ZNF600: variants seen among roughly 807,000 people sequenced by gnomAD.
ZNF600 encodes zinc finger protein 600, also known as zinc finger protein KR-ZNF1.
In ZNF600, 4 loss-of-function variants were observed where a neutral mutation model predicts 7.3. The ratio of observed to expected loss-of-function variants is 0.55; its 90% CI spans 0.27 to 1.25. The LOEUF (loss-of-function observed/expected upper bound fraction) is 1.25. ZNF600 is among the 50% of genes most tolerant of loss of function. ZNF600 has a pLI of 0.12. For synonymous variants in ZNF600, 290 were observed against 308.9 expected, an observed-to-expected ratio of 0.94 and a Z score of 0.64; for missense variants, 911 against 922.1, an observed-to-expected ratio of 0.99 and a Z score of 0.16.
chr19:52,780,241 T>G lies in ZNF600; in HGVS notation c.-19-1334A>C, dbSNP rs148637510. On this transcript the variant is annotated intron_variant, in intron 1 of 3. Transcript: ENST00000648973. Reference sequence around the variant, plus strand: ...CCCTGGGCAAAATAAACTTTCTAAATTAACTGAGATCTCTGTAAGATTTTC... The same window carrying G: ...CCCTGGGCAAAATAAACTTTCTAAAGTAACTGAGATCTCTGTAAGATTTTC... Among the ~76,000 whole-genome samples the G allele has an allele frequency of 1.5e-3, 225 of 152,292 alleles. 1 individual carries two copies. Among genetic ancestry groups the G allele is most frequent in the African/African-American group, 5.2e-3 (217 of 41,550 alleles).
chr19:52,809,951 C>A, the ZNF600 span: 1 of 824,290 alleles, frequency 1.2e-6, no homozygotes, highest in Non-Finnish European at 2.1e-6. Flanking sequence ...CCCCGGGGGG[C>A]GCAGGGGACG....
In ZNF600 at chr19:52,774,373, G is replaced by A. The variant is rs190125895; in HGVS notation, c.190+202C>T. ...GAACCTGGGAGGCAGAGGTTGCGGT[G>A]AGCCAAGATCATACCATTGCTCTCC... On this transcript the variant is annotated intron_variant, in intron 3 of 3. Coordinates refer to ENST00000648973, the Ensembl canonical transcript of ZNF600. Among the ~76,000 whole-genome samples the A allele has an allele frequency of 1.7e-3, 264 of 150,860 alleles. 2 individuals are homozygous for A. Among genetic ancestry groups the A allele is most frequent in the Non-Finnish European group, 2.1e-3 (143 of 67,844 alleles).
chr19:52,768,622 T>C (rs1329133906), intron 3 of ZNF600, among the ~76,000 whole-genome samples: 1 of 151,986 alleles, frequency 6.6e-6, no homozygotes, highest in African/African-American at 2.4e-5. Flanking sequence ...CTCAGCTCAC[T>C]GCAACCTCTG....
chr19:52,827,110 T>A, the ZNF600 span, among the ~76,000 whole-genome samples: 1 of 151,810 alleles, frequency 6.6e-6, no homozygotes, highest in Non-Finnish European at 1.5e-5. Flanking sequence ...CCAGATATGG[T>A]GACACATGCC....
chr19:52,768,541 CA>C (rs904103012), intron 3 of ZNF600, among the ~76,000 whole-genome samples: 6 of 151,252 alleles, frequency 4.0e-5, no homozygotes, highest in African/African-American at 1.5e-4. Context: ...AATGACTTTT[CA>C]AAAAATTTTT....
At chr19:52,801,500 T>G in the ZNF600 span, 6 of 1,613,984 alleles carry the variant, frequency 3.7e-6, no homozygotes, top group East Asian at 1.3e-4. Flanking sequence ...ACTCTTTGAT[T>G]TCTGTCATGG....
intron 3 of ZNF600, among the ~76,000 whole-genome samples, chr19:52,772,289 G>C (rs973655414): frequency 3.3e-5 from 5 of 151,890 alleles, no homozygotes; most frequent in African/African-American, 9.7e-5. Context: ...GCCTGGGCAA[G>C]AAGAGGGAAA....
At position 52,766,753 on chromosome 19, in the gene ZNF600, A is replaced by C. The variant is rs2062583839; in HGVS notation, c.1210T>G (p.Cys404Gly). Reference sequence around the variant, plus strand: ...GAATTCCATGTGAAAGCTGTGTCACAAACCTTACATTTGTATGGTTTCTCT... The same window carrying C: ...GAATTCCATGTGAAAGCTGTGTCACCAACCTTACATTTGTATGGTTTCTCT... Residue 404 changes from cysteine (C) to glycine (G), a missense_variant, in exon 4 of 4, where the codon TGT becomes GGT. Coordinates refer to ENST00000648973, the Ensembl canonical transcript of ZNF600. 6.2e-6 allele frequency: 10 copies of C among 1,614,032 alleles called. No individual in the cohort carries two copies. The highest frequency in any genetic ancestry group is 8.5e-6 in the Non-Finnish European group (10 of 1,180,030).
the ZNF600 span, among the ~76,000 whole-genome samples, chr19:52,795,850 G>A: frequency 6.7e-6 from 1 of 149,652 alleles, no homozygotes; most frequent in African/African-American, 2.5e-5. Context: ...ACAGGTGTGA[G>A]CCACAGCACC....
chr19:52,787,815 G>C (rs1412243627), upstream of ZNF600, among the ~76,000 whole-genome samples: 5 of 146,476 alleles, frequency 3.4e-5, no homozygotes, highest in Non-Finnish European at 6.0e-5. Context: ...AGCCAAGATC[G>C]TGCCACTGCA....
chr19:52,807,486 T>C, the ZNF600 span, among the ~76,000 whole-genome samples: 52 of 152,212 alleles, frequency 3.4e-4, no homozygotes, highest in South Asian at 4.8e-3. Context: ...TTTGTCTTTG[T>C]TTTTTGAGAC....
chr19:52,785,574 C>T (rs10414693), intron 1 of ZNF600, among the ~76,000 whole-genome samples: 51 of 152,192 alleles, frequency 3.4e-4, no homozygotes, highest in African/African-American at 1.2e-3. Flanking sequence ...GTTGTTCTTT[C>T]TCCCCAATCT....
At chr19:52,775,095 T>C (rs1256554530) in intron 2 of ZNF600, among the ~76,000 whole-genome samples, 3 of 151,738 alleles carry the variant, frequency 2.0e-5, no homozygotes, top group Non-Finnish European at 2.9e-5. Flanking sequence ...TAAAAATTTG[T>C]CAGGCATGGT....
chr19:52,790,632 C>T (rs1448776827), upstream of ZNF600, among the ~76,000 whole-genome samples: 1 of 151,172 alleles, frequency 6.6e-6, no homozygotes. Context: ...TAAATTGTGC[C>T]TTTGTACTCT....
intron 1 of ZNF600, among the ~76,000 whole-genome samples, chr19:52,784,127 C>T (rs1268719674): frequency 2.0e-5 from 3 of 152,096 alleles, no homozygotes; most frequent in African/African-American, 7.2e-5. Context: ...GGCGGCTCAT[C>T]CCTGTAATCC....
At chr19:52,800,497 G>T in the ZNF600 span, 1 of 1,610,840 alleles carries the variant, frequency 6.2e-7, no homozygotes, top group Admixed American at 1.7e-5. Context: ...GTTGATTGTT[G>T]ATTAAAAACC....
the ZNF600 span, among the ~76,000 whole-genome samples, chr19:52,821,407 A>G: frequency 7.9e-5 from 12 of 152,178 alleles, no homozygotes; most frequent in Non-Finnish European, 1.6e-4. Flanking sequence ...GACCAGCCTC[A>G]GGGCGACTTT....
the ZNF600 span, among the ~76,000 whole-genome samples, chr19:52,816,066 G>A: frequency 6.8e-6 from 1 of 147,470 alleles, no homozygotes; most frequent in Non-Finnish European, 1.5e-5. Context: ...ACACAGAACT[G>A]ACAATAGTGG....
the ZNF600 span, among the ~76,000 whole-genome samples, chr19:52,830,979 T>C: frequency 1.3e-5 from 2 of 149,046 alleles, no homozygotes; most frequent in Non-Finnish European, 3.0e-5. Context: ...ATATGCAAAT[T>C]ACAATACAGG....
Sources: allele counts gnomAD v4.1 joint callset (sites outside exome capture counted in the v4.1 genomes callset), GRCh38; gene constraint gnomAD v4.1.1; transcripts MANE v1.5; gene names NCBI Gene and HGNC (gene_info 2026-07-23, HGNC 2026-07-21).